The following ACSM4 variants were observed in gnomAD, a reference collection of about 807,000 sequenced individuals.
ACSM4 encodes the protein acyl-CoA synthetase medium chain family member 4.
A neutral mutation model predicts 73.0 loss-of-function variants in ACSM4; 66 were observed. The observed-to-expected ratio is 0.90, with a 90% CI of 0.74 to 1.11. The LOEUF (loss-of-function observed/expected upper bound fraction) is 1.11. ACSM4 is among the 50% of genes least tolerant of loss of function. The pLI, the probability that ACSM4 is intolerant of heterozygous loss-of-function variation, is 0.00. For missense variants in ACSM4, 645 were observed against 714.4 expected (o/e 0.90, Z 1.11); for synonymous variants, 222 against 254.0 (o/e 0.87, Z 1.20).
At chr12:7,322,372 C>T (rs1221675059) in intron 6 of ACSM4, 46 bp from the exon 7 acceptor site, 2 of 1,611,384 alleles carry the variant, frequency 1.2e-6, no homozygotes, top group Non-Finnish European at 1.7e-6. Flanking sequence ...GCAGTGAAAG[C>T]ACTCAGGTTC....
At chr12:7,318,226 T>C in intron 5 of ACSM4, 44 bp downstream of exon 5, 1 of 1,588,698 alleles carries the variant, frequency 6.3e-7, no homozygotes, top group South Asian at 1.1e-5. Context: ...GAGTTCTTCC[T>C]TGTTTCCCAT....
intron 3 of ACSM4, among the ~76,000 whole-genome samples, chr12:7,315,399 TCAGGAGGTCGAGAC>T (rs1260781472): frequency 6.6e-6 from 1 of 151,750 alleles, no homozygotes; most frequent in Non-Finnish European, 1.5e-5. Context: ...TCACCTGAGA[TCAGGAGGTCGAGAC>T]CAGCCTCGCC....
rs12317471 is a variant in ACSM4 at position 7,311,537 on chromosome 12, G to A, written c.620+791G>A. Among the ~76,000 whole-genome samples, 1,152 of 152,202 alleles carry A rather than the reference G, an allele frequency of 7.6e-3. 15 individuals carry two copies. Among genetic ancestry groups the A allele is most frequent in the African/African-American group, 0.026 (1,092 of 41,518 alleles). ...GAACTACAAGCCACTCTATTACAAC[G>A]TCCTCCTGTTTTCTTCATATCACTC... is the stretch of plus-strand genomic sequence containing the variant. On this transcript the variant is annotated intron_variant, in intron 3 of 12. Coordinates refer to ENST00000399422, the MANE Select transcript of ACSM4 (RefSeq NM_001080454.2).
At chr12:7,317,108 A>G (rs1946425786) in intron 3 of ACSM4, 29 bp from the exon 4 acceptor site, 5 of 1,594,036 alleles carry the variant, frequency 3.1e-6, no homozygotes, top group Non-Finnish European at 4.3e-6. Flanking sequence ...GCCATCTTCC[A>G]CCGCCATCTT....
At chr12:7,326,913 G>A in intron 11 of ACSM4, 63 bp from the exon 12 acceptor site, 1 of 1,499,922 alleles carries the variant, frequency 6.7e-7, no homozygotes. Flanking sequence ...TTCAGCATTT[G>A]TTGCAAATCC....
At position 7,320,744 on chromosome 12, in the gene ACSM4, T is replaced by C. The variant is rs757789192; in HGVS notation, c.941T>C (p.Ile314Thr). Residue 314 changes from isoleucine (I) to threonine (T), a missense_variant, in exon 6 of 13, where the codon ATC becomes ACC. Coordinates refer to ENST00000399422, the MANE Select transcript of ACSM4 (RefSeq NM_001080454.2). ...TFLDTLTTYP[I>T]TTLCSPPTVY... ...ATCCAGACACTTACTACTTATCCCA[T>C]CACGACCCTGTGCAGTCCTCCCACT... 1 of 1,613,732 alleles carries C rather than the reference T, an allele frequency of 6.2e-7. No homozygotes were observed. The highest frequency in any genetic ancestry group is 8.5e-7 in the Non-Finnish European group (1 of 1,179,764).
intron 6 of ACSM4, among the ~76,000 whole-genome samples, 174 bp downstream of exon 6, chr12:7,320,978 G>A (rs756362342): frequency 2.6e-5 from 4 of 152,182 alleles, no homozygotes; most frequent in Non-Finnish European, 4.4e-5. Context: ...AGAATGTTGA[G>A]CAGCATCTCA....
chr12:7,316,078 A>G (rs1293494722), intron 3 of ACSM4, among the ~76,000 whole-genome samples: 2 of 152,234 alleles, frequency 1.3e-5, no homozygotes, highest in Admixed American at 1.3e-4. Flanking sequence ...GAGAGAGGAC[A>G]TAAGTCTGCC....
chr12:7,312,291 A>C (rs11050248), intron 3 of ACSM4, among the ~76,000 whole-genome samples: 1 of 152,092 alleles, frequency 6.6e-6, no homozygotes, highest in Non-Finnish European at 1.5e-5. Context: ...TTTCCTCATA[A>C]GTAAAATGGG....
intron 1 of ACSM4, among the ~76,000 whole-genome samples, chr12:7,305,003 CCATGCCAG>C (rs1190564349): frequency 6.6e-6 from 1 of 152,170 alleles, no homozygotes; most frequent in Non-Finnish European, 1.5e-5. Flanking sequence ...GATCCTCACC[CCATGCCAG>C]GCACTGAGCT....
chr12:7,304,672 C>T, intron 1 of ACSM4, 140 bp downstream of exon 1: 2 of 910,052 alleles, frequency 2.2e-6, no homozygotes, highest in Non-Finnish European at 3.3e-6. Flanking sequence ...TCCAATTGCC[C>T]TCCCCTCTCC....
rs773535889 is a variant in ACSM4, at chr12:7,321,742, C to T, written c.1002-676C>T. On this transcript the variant is annotated intron_variant, in intron 6 of 12. Coordinates refer to ENST00000399422, the MANE Select transcript of ACSM4 (RefSeq NM_001080454.2). ...AAGGCTAGTGGTTAAAAGCTAAGCT[C>T]CAAAGTCAAACAGGCAGGGCCCTGC... 3.9e-5 allele frequency among the ~76,000 whole-genome samples: 6 copies of T among 152,318 alleles called. No individual in the cohort carries two copies. In the East Asian group the frequency reaches 1.2e-3, roughly 29 times the overall value.
intron 1 of ACSM4, 93 bp downstream of exon 1, chr12:7,304,625 T>C (rs1195139291): frequency 1.6e-6 from 2 of 1,279,498 alleles, no homozygotes; most frequent in Non-Finnish European, 2.2e-6. Context: ...TTAATTCCAA[T>C]GCACTCTCTC....
At chr12:7,327,122 T>G in intron 12 of ACSM4, 27 bp downstream of exon 12, 3 of 1,571,410 alleles carry the variant, frequency 1.9e-6, no homozygotes, top group Non-Finnish European at 1.7e-6. Flanking sequence ...AAAGTTAAGT[T>G]TGGATGTTAC....
At chr12:7,309,342 A>G (rs1946377893) in intron 2 of ACSM4, among the ~76,000 whole-genome samples, 1 of 152,156 alleles carries the variant, frequency 6.6e-6, no homozygotes, top group Non-Finnish European at 1.5e-5. Flanking sequence ...GCACAACCAC[A>G]TGGACCTACC....
chr12:7,328,472 C>A lies in ACSM4; in HGVS notation c.*99C>A. On this transcript the variant is annotated 3_prime_UTR_variant, in exon 13 of 13. Coordinates refer to ENST00000399422, the MANE Select transcript of ACSM4 (RefSeq NM_001080454.2). ...ACTACTCTCTTAAAATGTTTAAGAT[C>A]TTTCCTGCTTGAAAACTCAACTGTT... 2.1e-6 allele frequency: 2 copies of A among 932,350 alleles called. No individual in the cohort carries two copies. The highest frequency in any genetic ancestry group is 1.7e-5 in the African/African-American group (1 of 57,186). The allele number at this position is 932,350 out of a possible 1,614,324, so 57.8% of individuals were successfully genotyped here. A position where few individuals can be genotyped will look rare whatever the true frequency, so the allele number is the denominator to read the frequency against.
chr12:7,328,150 A>G, intron 12 of ACSM4, 137 bp from the exon 13 acceptor site: 1 of 586,048 alleles, frequency 1.7e-6, no homozygotes. Context: ...TCTGGTGTCC[A>G]TGAAATTCAA....
rs1024999973 is a variant in ACSM4 at position 7,317,053 on chromosome 12, G to A, written c.621-84G>A. The A allele has an allele frequency of 7.5e-6, 11 of 1,467,442 alleles. No individual in the cohort carries two copies. The African/African-American group carries it at 1.4e-4, about 19-fold the overall frequency. 90.9% of individuals were successfully genotyped at this position (1,467,442 alleles called of 1,614,324 possible). A position where few individuals can be genotyped will look rare whatever the true frequency, so the allele number is the denominator to read the frequency against. ...GTTAACTATCTTCTGGTAGCAAGAGGGCATAAGTAGTTGAGCAGAGGAAAT... is the reference window on the plus strand; with the variant it reads ...GTTAACTATCTTCTGGTAGCAAGAGAGCATAAGTAGTTGAGCAGAGGAAAT... On this transcript the variant is annotated intron_variant, in intron 3 of 12. Coordinates refer to ENST00000399422, the MANE Select transcript of ACSM4 (RefSeq NM_001080454.2).
intron 12 of ACSM4, among the ~76,000 whole-genome samples, chr12:7,327,994 G>A (rs1420239595): frequency 6.6e-6 from 1 of 152,140 alleles, no homozygotes; most frequent in Non-Finnish European, 1.5e-5. Context: ...CTCGGGAACA[G>A]TAGAAGCCTA....
Sources: allele counts gnomAD v4.1 joint callset (sites outside exome capture counted in the v4.1 genomes callset), GRCh38; gene constraint gnomAD v4.1.1; transcripts MANE v1.5; gene names NCBI Gene and HGNC (gene_info 2026-07-23, HGNC 2026-07-21).